The following ACAP2 variants were observed in gnomAD, a reference collection of about 807,000 sequenced individuals.
ACAP2 encodes the protein arf-GAP with coiled-coil, ANK repeat and PH domain-containing protein 2.
A neutral mutation model predicts 115.8 loss-of-function variants in ACAP2; 39 were observed. The ratio of observed to expected loss-of-function variants is 0.34; its 90% CI spans 0.26 to 0.44. ACAP2 has a LOEUF of 0.44. Ranked by LOEUF, ACAP2 falls within the 20% of genes least tolerant of loss-of-function variation. The pLI is 1.00. For synonymous variants in ACAP2, 289 were observed against 315.8 expected (o/e 0.92, Z 0.90); for missense variants, 662 against 927.6 (o/e 0.71, Z 3.72).
intron 13 of ACAP2, among the ~76,000 whole-genome samples, chr3:195,303,043 G>A (rs1425768758): frequency 6.6e-6 from 1 of 152,166 alleles, no homozygotes; most frequent in Non-Finnish European, 1.5e-5. Context: ...GTGAAACCCT[G>A]TCTCTACTAA....
intron 7 of ACAP2, among the ~76,000 whole-genome samples, chr3:195,333,489 C>T (rs1001775960): frequency 6.6e-6 from 1 of 152,208 alleles, no homozygotes; most frequent in Admixed American, 6.5e-5. Context: ...GCGTGAGCCA[C>T]CATGCCCAGC....
intron 4 of ACAP2, among the ~76,000 whole-genome samples, chr3:195,379,309 A>G (rs1431808863): frequency 1.3e-5 from 2 of 152,214 alleles, no homozygotes; most frequent in Non-Finnish European, 2.9e-5. Context: ...GATAAACTGA[A>G]CTTCAGACTT....
chr3:195,308,213 C>T (rs1482664253), intron 11 of ACAP2, among the ~76,000 whole-genome samples: 1 of 152,072 alleles, frequency 6.6e-6, no homozygotes, highest in Non-Finnish European at 1.5e-5. Context: ...CCATTCTGTC[C>T]TATAACCTTT....
intron 16 of ACAP2, among the ~76,000 whole-genome samples, chr3:195,296,261 C>A (rs1727652060): frequency 6.6e-6 from 1 of 151,830 alleles, no homozygotes; most frequent in Non-Finnish European, 1.5e-5. Context: ...ACTTTATTTT[C>A]ATGTTTACTC....
rs188706415 is a variant in ACAP2, at chr3:195,430,587, C to T, written c.53+12208G>A. Among the ~76,000 whole-genome samples the T allele has an allele frequency of 4.6e-5, 7 of 152,126 alleles. No individual in the cohort carries two copies. The East Asian group carries it at 1.2e-3, about 25-fold the overall frequency. On this transcript the variant is annotated intron_variant, in intron 1 of 22. Transcript: ENST00000326793. ...AAATTTAGCTAGGCATAGTGGTTCA[C>T]GCCTATAATCCCAGCTACTCGGGAG...
chr3:195,382,076 A>T, intron 2 of ACAP2, 54 bp from the exon 3 acceptor site: 1 of 1,547,252 alleles, frequency 6.5e-7, no homozygotes, highest in South Asian at 1.2e-5. Flanking sequence ...CAAATTACTT[A>T]GTTGAACAAG....
chr3:195,403,798 A>G (rs1036404485), intron 1 of ACAP2, among the ~76,000 whole-genome samples: 2 of 152,234 alleles, frequency 1.3e-5, no homozygotes, highest in African/African-American at 4.8e-5. Context: ...AATATCTACT[A>G]GATATACAAG....
Position 195,391,686 on chromosome 3 carries a change from TAC to T in ACAP2, c.111+402_111+403del, listed in dbSNP as rs374385197. Among the ~76,000 whole-genome samples the T allele has an allele frequency of 2.9e-3, 439 of 152,204 alleles. 1 individual carries two copies. Among genetic ancestry groups the T allele is most frequent in the African/African-American group, 0.01 (429 of 41,518 alleles). On this transcript the variant is annotated intron_variant, in intron 2 of 22. Transcript: ENST00000326793. ...GTAAAACTGGGATAATAATAGCATT[TAC>T]CCTCATAGAGATAAAAAGCTACCAG...
chr3:195,375,311 A>C (rs1733450538), intron 4 of ACAP2, among the ~76,000 whole-genome samples: 19 of 151,998 alleles, frequency 1.3e-4, no homozygotes, highest in Admixed American at 1.2e-3. Flanking sequence ...AGAACCTTAA[A>C]ATTTTTTCAC....
intron 4 of ACAP2, among the ~76,000 whole-genome samples, chr3:195,348,736 C>CA (rs1432824876): frequency 6.6e-6 from 1 of 152,088 alleles, no homozygotes; most frequent in South Asian, 2.1e-4. Context: ...ATGACAGACA[C>CA]AAAAAAGCAC....
chr3:195,372,391 T>C (rs2108730501), intron 4 of ACAP2, among the ~76,000 whole-genome samples: 1 of 152,242 alleles, frequency 6.6e-6, no homozygotes, highest in African/African-American at 2.4e-5. Flanking sequence ...GCGCTCAAGC[T>C]AACAGCAGAA....
In ACAP2 at chr3:195,342,325, C is replaced by T. The variant is rs1021834259; in HGVS notation, c.528+146G>A. ...ACACACACAGGTACACTAATAGCTA[C>T]ACAGATGGAAATTTTCCACCTAAGA... On this transcript the variant is annotated intron_variant, in intron 6 of 22. Coordinates refer to ENST00000326793, the MANE Select transcript of ACAP2 (RefSeq NM_012287.6). 6.9e-6 allele frequency: 5 copies of T among 728,364 alleles called. No individual in the cohort carries two copies. The African/African-American group carries it at 9.3e-5, about 14-fold the overall frequency. The allele number at this position is 728,364 out of a possible 1,614,324, so 45.1% of individuals were successfully genotyped here.
chr3:195,285,734 G>T, intron 22 of ACAP2, 62 bp downstream of exon 22: 1 of 1,346,264 alleles, frequency 7.4e-7, no homozygotes, highest in Non-Finnish European at 1.0e-6. Flanking sequence ...GTTGTAAACT[G>T]ATAAATTCCT....
At chr3:195,327,072 A>T (rs1729843664) in intron 8 of ACAP2, 113 bp from the exon 9 acceptor site, 2 of 1,032,912 alleles carry the variant, frequency 1.9e-6, no homozygotes, top group South Asian at 1.6e-5. Flanking sequence ...ATTTAAGCTG[A>T]TTTAATAAAG....
chr3:195,323,758 G>C (rs1729596916), intron 9 of ACAP2, among the ~76,000 whole-genome samples: 1 of 151,976 alleles, frequency 6.6e-6, no homozygotes, highest in African/African-American at 2.4e-5. Context: ...CAGAGGCTGG[G>C]AGTGGTGGTG....
intron 1 of ACAP2, among the ~76,000 whole-genome samples, chr3:195,412,405 C>T (rs973171515): frequency 6.7e-6 from 1 of 150,300 alleles, no homozygotes; most frequent in Admixed American, 6.6e-5. Flanking sequence ...CATGGTGAAA[C>T]CCCATCTCTA....
In ACAP2 at chr3:195,342,630, G is replaced by A. The variant is rs139935887; in HGVS notation, c.369C>T (p.Ala123=). 83 of 1,594,202 alleles carry A rather than the reference G, an allele frequency of 5.2e-5. No individual in the cohort carries two copies. In the African/African-American group the frequency reaches 1.0e-3, roughly 20 times the overall value. Residue 123 remains alanine, a synonymous_variant, in exon 6 of 23, where the codon GCC becomes GCT. Transcript: ENST00000326793. ...CACTGACTTTTTCGAATTGCTTCTT[G>A]GCATCTTTGAATTTTCTAAGATCTC... ...VKEDLRKFKD[A]KKQFEKVSEE... is the part of the protein sequence containing the mutation.
chr3:195,340,737 T>A (rs1730812037), intron 6 of ACAP2, among the ~76,000 whole-genome samples: 1 of 152,198 alleles, frequency 6.6e-6, no homozygotes, highest in South Asian at 2.1e-4. Flanking sequence ...AACCTCTGCA[T>A]GAGCCATTTC....
intron 7 of ACAP2, 138 bp from the exon 8 acceptor site, chr3:195,333,261 G>T (rs1192879468): frequency 1.3e-5 from 5 of 384,954 alleles, no homozygotes. Context: ...GCATGCAGTG[G>T]CATGGACACA....
Sources: gnomAD v4.1 joint callset for allele counts (sites outside exome capture counted in the v4.1 genomes callset) on GRCh38, gnomAD v4.1.1 for gene constraint, MANE v1.5 for transcripts, NCBI Gene and HGNC (gene_info 2026-07-23, HGNC 2026-07-21) for gene names.